KCNK12: variants seen among roughly 807,000 people sequenced by gnomAD.
KCNK12 encodes potassium channel subfamily K member 12.
A neutral mutation model predicts 25.3 loss-of-function variants in KCNK12; 6 were observed. The observed-to-expected ratio is 0.24, with a 90% CI of 0.13 to 0.47. The LOEUF is 0.47. Ranked by LOEUF, KCNK12 falls within the 20% of genes least tolerant of loss-of-function variation. The pLI is 0.99. For missense variants in KCNK12, 444 were observed against 661.7 expected (o/e 0.67, Z 3.61); for synonymous variants, 331 against 311.1 (o/e 1.06, Z -0.67).
chr2:47,553,224 G>C (rs551083424), intron 1 of KCNK12, among the ~76,000 whole-genome samples: 1 of 152,340 alleles, frequency 6.6e-6, no homozygotes, highest in African/African-American at 2.4e-5. Context: ...AACACCAGTA[G>C]CTATAAAATA....
rs915662903 is a variant in KCNK12, at chr2:47,535,178, G to A, written c.392-13370C>T. 3 of 232,376 alleles carry A rather than the reference G, an allele frequency of 1.3e-5. No homozygotes were observed. The Admixed American group carries it at 1.7e-4, about 13-fold the overall frequency. 14.4% of individuals were successfully genotyped at this position (232,376 alleles called of 1,614,324 possible). A position where few individuals can be genotyped will look rare whatever the true frequency, so the allele number is the denominator to read the frequency against. ...AGCCTGGTTGGCTGCTTCAAAGGAG[G>A]AATAAAGATGAGGAGCCATGATGCA... On this transcript the variant is annotated intron_variant, in intron 1 of 1. Coordinates refer to ENST00000327876, the MANE Select transcript of KCNK12 (RefSeq NM_022055.2).
At chr2:47,553,272 G>A (rs558025861) in intron 1 of KCNK12, among the ~76,000 whole-genome samples, 9 of 152,318 alleles carry the variant, frequency 5.9e-5, no homozygotes, top group Admixed American at 3.9e-4. Flanking sequence ...CTTAGAGCGC[G>A]TAAAGAAACA....
rs974516940 is a variant in KCNK12, at chr2:47,562,127, C to T, written c.391+7814G>A. ...ATCAGCATAGGCATTGCCAGGAGCT[C>T]ATGAGGAATGCAGACTGTCAGGTCC... On this transcript the variant is annotated intron_variant, in intron 1 of 1. Coordinates refer to ENST00000327876, the MANE Select transcript of KCNK12 (RefSeq NM_022055.2). This position sits in a 1 kb window ranked among gnomAD's most constrained non-coding sequence, Gnocchi z 4.8. 4 of 398,660 alleles carry T rather than the reference C, an allele frequency of 1.0e-5. No homozygotes were observed. The highest frequency in any genetic ancestry group is 1.8e-5 in the Non-Finnish European group (4 of 226,096). The allele number at this position is 398,660 out of a possible 1,614,324, so 24.7% of individuals were successfully genotyped here.
At chr2:47,535,818 T>C (rs1303602931) in intron 1 of KCNK12, among the ~76,000 whole-genome samples, 1 of 152,184 alleles carries the variant, frequency 6.6e-6, no homozygotes, top group African/African-American at 2.4e-5. Context: ...GCCAGGGTAC[T>C]TGCTGTGGCC....
rs367608756 is a variant in KCNK12 at position 47,522,941 on chromosome 2, TA to T, written c.392-1134del. Among the ~76,000 whole-genome samples the T allele has an allele frequency of 3.2e-3, 482 of 150,392 alleles. 5 individuals are homozygous for T. The highest frequency in any genetic ancestry group is 0.01 in the African/African-American group (429 of 41,120). On this transcript the variant is annotated intron_variant, in intron 1 of 1. Coordinates refer to ENST00000327876, the MANE Select transcript of KCNK12 (RefSeq NM_022055.2). ...TAGATTTTCGGTCCCTCCCTGTTAT[TA>T]AAAAAAAAATCAGTTTACCAACTCT...
In KCNK12 at chr2:47,562,469, T is replaced by C. The variant is rs375068536; in HGVS notation, c.391+7472A>G. The C allele has an allele frequency of 4.0e-4, 101 of 252,836 alleles. No homozygotes were observed. The South Asian group carries it at 6.0e-3, about 15-fold the overall frequency. 15.7% of individuals were successfully genotyped at this position (252,836 alleles called of 1,614,324 possible). A position where few individuals can be genotyped will look rare whatever the true frequency, so the allele number is the denominator to read the frequency against. On this transcript the variant is annotated intron_variant, in intron 1 of 1. Coordinates refer to ENST00000327876, the MANE Select transcript of KCNK12 (RefSeq NM_022055.2). This position sits in a 1 kb window ranked among gnomAD's most constrained non-coding sequence, Gnocchi z 4.8. ...CTGACCTGCTAGTAAGCCAGGAACT[T>C]AGCCCCATGTTGGGGGTTGGCCAAG... is the stretch of plus-strand genomic sequence containing the variant.
chr2:47,551,765 T>C lies in KCNK12; in HGVS notation c.391+18176A>G, dbSNP rs541545096. ...GCTAGTCCTGGGGAAGGCAGATTATTGGTTTAAGATTCAGTTCTAGCCACA... is the reference window on the plus strand; with the variant it reads ...GCTAGTCCTGGGGAAGGCAGATTATCGGTTTAAGATTCAGTTCTAGCCACA... On this transcript the variant is annotated intron_variant, in intron 1 of 1. Transcript: ENST00000327876. The surrounding 1 kb of genome is among the most constrained non-coding windows in gnomAD (Gnocchi z 5.3). Among the ~76,000 whole-genome samples, 19 of 152,326 alleles carry C rather than the reference T, an allele frequency of 1.2e-4. No homozygotes were observed. Among genetic ancestry groups the C allele is most frequent in the South Asian group, 6.2e-4 (3 of 4,822 alleles).
In KCNK12 at chr2:47,557,689, T is replaced by A. The variant is rs1669577939; in HGVS notation, c.391+12252A>T. Among the ~76,000 whole-genome samples the A allele has an allele frequency of 6.6e-6, 1 of 152,208 alleles. No individual in the cohort carries two copies. The highest frequency in any genetic ancestry group is 1.5e-5 in the Non-Finnish European group (1 of 68,034). ...TAAGGCAATTTCCGTATGTTAGGCA[T>A]ACAATCCAATCTCTGCTTGACTGCA... On this transcript the variant is annotated intron_variant, in intron 1 of 1. Transcript: ENST00000327876. This position sits in a 1 kb window ranked among gnomAD's most constrained non-coding sequence, Gnocchi z 4.9.
At chr2:47,561,725 C>T (rs1296797319) in intron 1 of KCNK12, among the ~76,000 whole-genome samples, 10 of 152,186 alleles carry the variant, frequency 6.6e-5, no homozygotes, top group Admixed American at 6.5e-4. Flanking sequence ...CCATCATGGT[C>T]TTCACTTTAG....
intron 1 of KCNK12, among the ~76,000 whole-genome samples, chr2:47,541,183 T>A (rs1449792389): frequency 6.6e-6 from 1 of 152,158 alleles, no homozygotes; most frequent in Non-Finnish European, 1.5e-5. Flanking sequence ...ATTTTTAGCT[T>A]CCTTCATCCC....
In KCNK12 at chr2:47,519,973, T is replaced by G. The variant is rs1668613972; in HGVS notation, c.*934A>C. 1 of 152,020 alleles carries G rather than the reference T, an allele frequency of 6.6e-6. No homozygotes were observed. The highest frequency in any genetic ancestry group is 1.5e-5 in the Non-Finnish European group (1 of 68,006). 9.4% of individuals were successfully genotyped at this position (152,020 alleles called of 1,614,324 possible). On this transcript the variant is annotated 3_prime_UTR_variant, in exon 2 of 2. Transcript: ENST00000327876. ...CTTAAAGGGGGAAAAGTTGAACTGA[T>G]CAACAGTAGTTAAGAAAAAAAAAAT...
chr2:47,534,099 C>T (rs1668997210), intron 1 of KCNK12, among the ~76,000 whole-genome samples: 2 of 152,036 alleles, frequency 1.3e-5, no homozygotes, highest in Non-Finnish European at 2.9e-5. Flanking sequence ...GAGGATGAAC[C>T]CCACAGGCTC....
chr2:47,550,898 T>C (rs1669415713), intron 1 of KCNK12, among the ~76,000 whole-genome samples: 1 of 151,926 alleles, frequency 6.6e-6, no homozygotes, highest in Non-Finnish European at 1.5e-5. Context: ...TGCTAATGAG[T>C]CCCCACACTT....
At chr2:47,524,074 A>G (rs893377699) in intron 1 of KCNK12, among the ~76,000 whole-genome samples, 8 of 152,178 alleles carry the variant, frequency 5.3e-5, no homozygotes, top group Admixed American at 2.6e-4. Context: ...GACTCAGGTG[A>G]GGGGAAAATC....
At position 47,512,191 on chromosome 2, in the gene KCNK12, A is replaced by G; in HGVS notation, c.*8716T>C. On this transcript the variant is annotated 3_prime_UTR_variant, in exon 2 of 2. Coordinates refer to ENST00000327876, the MANE Select transcript of KCNK12 (RefSeq NM_022055.2). Reference sequence around the variant, plus strand: ...CCAGTCCATGGAGAAAAAAGAATTGAACAAACTGTCTAAGCTGGGTCAGGT... The same window carrying G: ...CCAGTCCATGGAGAAAAAAGAATTGGACAAACTGTCTAAGCTGGGTCAGGT... 7.6e-7 allele frequency: 1 copy of G among 1,309,758 alleles called. No individual in the cohort carries two copies. Among genetic ancestry groups the G allele is most frequent in the South Asian group, 1.5e-5 (1 of 65,998 alleles). 81.1% of individuals were successfully genotyped at this position (1,309,758 alleles called of 1,614,324 possible). A position where few individuals can be genotyped will look rare whatever the true frequency, so the allele number is the denominator to read the frequency against.
rs1669007932 is a variant in KCNK12 at position 47,534,440 on chromosome 2, C to A, written c.392-12632G>T. Among the ~76,000 whole-genome samples, 3 of 143,182 alleles carry A rather than the reference C, an allele frequency of 2.1e-5. No individual in the cohort carries two copies. The South Asian group carries it at 7.1e-4, about 34-fold the overall frequency. 93.9% of individuals were successfully genotyped at this position (143,182 alleles called of 152,430 possible). A position where few individuals can be genotyped will look rare whatever the true frequency, so the allele number is the denominator to read the frequency against. The stretch of plus-strand genomic sequence containing the variant: ...ATACAGCCCGTCTCCAGGCCCCCCC[C>A]ACCGCCACCCCAAGATCTGTCCCTG... On this transcript the variant is annotated intron_variant, in intron 1 of 1. Coordinates refer to ENST00000327876, the MANE Select transcript of KCNK12 (RefSeq NM_022055.2).
rs1198549061 is a variant in KCNK12 at position 47,512,660 on chromosome 2, A to G, written c.*8247T>C. 1.9e-6 allele frequency: 1 copy of G among 520,454 alleles called. No individual in the cohort carries two copies. The allele number at this position is 520,454 out of a possible 1,614,324, so 32.2% of individuals were successfully genotyped here. A position where few individuals can be genotyped will look rare whatever the true frequency, so the allele number is the denominator to read the frequency against. On this transcript the variant is annotated 3_prime_UTR_variant, in exon 2 of 2. Coordinates refer to ENST00000327876, the MANE Select transcript of KCNK12 (RefSeq NM_022055.2). ...CTAATGGGATGATGTGCCCTTGTACACCCACTGCCTCTGAACTCTGCTCTG... is the reference window on the plus strand; with the variant it reads ...CTAATGGGATGATGTGCCCTTGTACGCCCACTGCCTCTGAACTCTGCTCTG...
chr2:47,535,138 C>T (rs535691164), intron 1 of KCNK12: 2 of 231,752 alleles, frequency 8.6e-6, no homozygotes, highest in Middle Eastern at 1.3e-3. Context: ...CATGCTTGGT[C>T]TTCCCACAGA....
rs1217770517 is a variant in KCNK12 at position 47,519,494 on chromosome 2, G to A, written c.*1413C>T. ...TGCCCTCATCATATATGAGAAAAAT[G>A]GGCAGAGAGAGTGTTCGTTTACACC... On this transcript the variant is annotated 3_prime_UTR_variant, in exon 2 of 2. Transcript: ENST00000327876. 1 of 152,144 alleles carries A rather than the reference G, an allele frequency of 6.6e-6. No individual in the cohort carries two copies. The highest frequency in any genetic ancestry group is 1.5e-5 in the Non-Finnish European group (1 of 68,046). The allele number at this position is 152,144 out of a possible 1,614,324, so 9.4% of individuals were successfully genotyped here.
Sources: gnomAD v4.1 joint callset for allele counts (sites outside exome capture counted in the v4.1 genomes callset) on GRCh38, gnomAD v4.1.1 for gene constraint, Gnocchi (gnomAD v3.1) non-coding constraint, MANE v1.5 for transcripts, NCBI Gene and HGNC (gene_info 2026-07-23, HGNC 2026-07-21) for gene names.